The following CNBD1 variants were observed in gnomAD, a reference collection of about 807,000 sequenced individuals.
CNBD1 encodes cyclic nucleotide-binding domain-containing protein 1.
CNBD1 carries 71 observed loss-of-function variants against 54.4 expected under a neutral mutation model. That is an observed-to-expected ratio of 1.30 (90% CI 1.08 to 1.59). The LOEUF (loss-of-function observed/expected upper bound fraction) is 1.59, where lower values mean the gene tolerates loss of function less well. Among genes scored for constraint, CNBD1 ranks in the 40% most tolerant of loss-of-function variants. The pLI is 0.00. For synonymous variants in CNBD1, 182 were observed against 170.7 expected, an observed-to-expected ratio of 1.07 and a Z score of -0.51; for missense variants, 659 against 518.0, an observed-to-expected ratio of 1.27 and a Z score of -2.64.
At chr8:87,288,413 A>T (rs1254630918) in intron 8 of CNBD1, among the ~76,000 whole-genome samples, 1 of 151,978 alleles carries the variant, frequency 6.6e-6, no homozygotes, top group Non-Finnish European at 1.5e-5. Flanking sequence ...TTGCCCATCT[A>T]TCATTATATT....
intron 4 of CNBD1, among the ~76,000 whole-genome samples, chr8:87,029,574 T>C (rs990541337): frequency 7.2e-5 from 11 of 152,092 alleles, no homozygotes; most frequent in South Asian, 2.1e-4. Flanking sequence ...AGATAATAAA[T>C]TATGTATATA....
At chr8:87,379,097 C>T (rs1323948668) in intron 10 of CNBD1, among the ~76,000 whole-genome samples, 2 of 151,324 alleles carry the variant, frequency 1.3e-5, no homozygotes, top group South Asian at 2.1e-4. Flanking sequence ...ATGTCATCTG[C>T]AAACAGGGAC....
At chr8:87,123,519 C>A (rs1257804292) in intron 4 of CNBD1, among the ~76,000 whole-genome samples, 1 of 151,638 alleles carries the variant, frequency 6.6e-6, no homozygotes, top group Non-Finnish European at 1.5e-5. Context: ...GCAGCAAAAG[C>A]AGTCCTAATA....
intron 2 of CNBD1, among the ~76,000 whole-genome samples, chr8:87,390,203 C>T (rs1220798006): frequency 1.3e-5 from 2 of 152,094 alleles, no homozygotes; most frequent in East Asian, 1.9e-4. Flanking sequence ...GACTTCATGT[C>T]TAAAACACCA....
At chr8:86,972,698 A>G (rs1304203479) in intron 4 of CNBD1, among the ~76,000 whole-genome samples, 1 of 152,174 alleles carries the variant, frequency 6.6e-6, no homozygotes, top group Non-Finnish European at 1.5e-5. Context: ...CATCAGCTGT[A>G]CTTTCTGACC....
intron 8 of CNBD1, among the ~76,000 whole-genome samples, chr8:87,303,412 G>A (rs1214399201): frequency 6.6e-6 from 1 of 151,838 alleles, no homozygotes; most frequent in Non-Finnish European, 1.5e-5. Context: ...AATAAATGGT[G>A]CTGGGAAAAC....
intron 4 of CNBD1, among the ~76,000 whole-genome samples, chr8:87,082,994 T>G (rs1811027100): frequency 6.6e-6 from 1 of 152,226 alleles, no homozygotes. Flanking sequence ...TCACATGTTG[T>G]GTTTGAAAAC....
At chr8:87,174,744 A>G (rs1471577867) in intron 4 of CNBD1, among the ~76,000 whole-genome samples, 1 of 152,130 alleles carries the variant, frequency 6.6e-6, no homozygotes, top group Non-Finnish European at 1.5e-5. Flanking sequence ...AGGTATTGAA[A>G]AGGACTTGGG....
At chr8:87,408,098 G>T (rs150681784) in intron 2 of CNBD1, among the ~76,000 whole-genome samples, 2 of 151,652 alleles carry the variant, frequency 1.3e-5, no homozygotes, top group Middle Eastern at 3.4e-3. Flanking sequence ...ATTCTTCTTC[G>T]TTGATTATCT....
chr8:87,004,362 T>C lies in CNBD1; in HGVS notation c.431+64608T>C, dbSNP rs1335164722. On this transcript the variant is annotated intron_variant, in intron 4 of 10. Transcript: ENST00000518476. ...TATATGAAAACCACAGTAATGTGCA[T>C]TGTCTTTTCCTTTGTGTTTGCATGG... 1.7e-4 allele frequency among the ~76,000 whole-genome samples: 26 copies of C among 152,156 alleles called. 1 individual carries two copies. The highest frequency in any genetic ancestry group is 1.7e-3 in the Admixed American group (26 of 15,272).
chr8:86,929,196 G>A (rs1809416209), intron 3 of CNBD1, among the ~76,000 whole-genome samples: 1 of 152,176 alleles, frequency 6.6e-6, no homozygotes, highest in African/African-American at 2.4e-5. Flanking sequence ...TTTTTGCACT[G>A]CATGCAATAA....
chr8:87,389,701 C>T (rs1199936898), intron 2 of CNBD1, among the ~76,000 whole-genome samples: 3 of 152,118 alleles, frequency 2.0e-5, no homozygotes, highest in Non-Finnish European at 2.9e-5. Context: ...GATTCAATGC[C>T]ATCCCCATCA....
At chr8:86,920,896 A>G (rs1466352380) in intron 3 of CNBD1, among the ~76,000 whole-genome samples, 1 of 152,052 alleles carries the variant, frequency 6.6e-6, no homozygotes, top group Non-Finnish European at 1.5e-5. Context: ...TTTTTCCCAA[A>G]CACATTTTAA....
intron 4 of CNBD1, among the ~76,000 whole-genome samples, chr8:87,128,320 A>G (rs527259803): frequency 2.6e-5 from 4 of 152,272 alleles, no homozygotes; most frequent in African/African-American, 9.6e-5. Flanking sequence ...GGAGTTGCAG[A>G]CACTCAACCC....
rs1282857026 is a variant in CNBD1, at chr8:87,198,865, A to T, written c.432-7128A>T. On this transcript the variant is annotated intron_variant, in intron 4 of 10. Transcript: ENST00000518476. Reference sequence around the variant, plus strand: ...ATAATTTATAAAGAAAAGGGGTTTAATTGGCTCACAGTTCTGCAGGCTTTA... The same window carrying T: ...ATAATTTATAAAGAAAAGGGGTTTATTTGGCTCACAGTTCTGCAGGCTTTA... Among the ~76,000 whole-genome samples, 7 of 152,348 alleles carry T rather than the reference A, an allele frequency of 4.6e-5. 1 individual carries two copies. The East Asian group carries it at 1.4e-3, about 29-fold the overall frequency.
At chr8:87,311,667 T>C (rs1219266385) in intron 8 of CNBD1, among the ~76,000 whole-genome samples, 2 of 152,118 alleles carry the variant, frequency 1.3e-5, no homozygotes, top group Non-Finnish European at 2.9e-5. Flanking sequence ...GCAGTACTAT[T>C]CACAATAGCA....
At chr8:87,119,076 C>T (rs1811838929) in intron 4 of CNBD1, among the ~76,000 whole-genome samples, 1 of 152,078 alleles carries the variant, frequency 6.6e-6, no homozygotes, top group African/African-American at 2.4e-5. Flanking sequence ...TGTGAGAACA[C>T]AGGCCTTTTT....
chr8:86,871,967 CTAGAGT>C (rs138236986), intron 1 of CNBD1, among the ~76,000 whole-genome samples: 199 of 152,338 alleles, frequency 1.3e-3, no homozygotes, highest in African/African-American at 4.6e-3. Context: ...CTCTCAATTA[CTAGAGT>C]TAAAGTACTC....
chr8:87,029,188 C>T (rs1809724856), intron 4 of CNBD1, among the ~76,000 whole-genome samples: 2 of 152,138 alleles, frequency 1.3e-5, no homozygotes, highest in African/African-American at 4.8e-5. Flanking sequence ...CCTCAATCTC[C>T]CTCATTTTTA....
Sources: allele counts gnomAD v4.1 joint callset (sites outside exome capture counted in the v4.1 genomes callset), GRCh38; gene constraint gnomAD v4.1.1; transcripts MANE v1.5; gene names NCBI Gene and HGNC (gene_info 2026-07-23, HGNC 2026-07-21).